Variants in KCNN2 observed in about 807,000 individuals in gnomAD.
KCNN2 encodes potassium calcium-activated channel subfamily N member 2, also known as small conductance calcium-activated potassium channel protein 2.
A neutral mutation model predicts 55.5 loss-of-function variants in KCNN2; 24 were observed. The observed-to-expected ratio is 0.43, with a 90% CI of 0.31 to 0.61. KCNN2 has a LOEUF of 0.61. Ranked by LOEUF, KCNN2 falls within the 20% of genes least tolerant of loss-of-function variation. The pLI is 0.08. For synonymous variants in KCNN2, 431 were observed against 336.1 expected, an observed-to-expected ratio of 1.28 and a Z score of -3.09; for missense variants, 754 against 853.6, an observed-to-expected ratio of 0.88 and a Z score of 1.45.
chr5:114,379,530 CAT>C lies in KCNN2; in HGVS notation c.1218+15532_1218+15533del, dbSNP rs1322922944. ...TATATTTATAGAATATATTATATAA[CAT>C]ATTATATATTATAGAATATATTATA... On this transcript the variant is annotated intron_variant, in intron 2 of 7. Coordinates refer to ENST00000673685, the MANE Select transcript of KCNN2 (RefSeq NM_021614.4). Among the ~76,000 whole-genome samples, 73 of 92,970 alleles carry C rather than the reference CAT, an allele frequency of 7.9e-4. 1 individual carries two copies. Among genetic ancestry groups the C allele is most frequent in the East Asian group, 2.0e-3 (9 of 4,474 alleles). 61.0% of individuals were successfully genotyped at this position (92,970 alleles called of 152,430 possible). A position where few individuals can be genotyped will look rare whatever the true frequency, so the allele number is the denominator to read the frequency against.
chr5:114,268,021 A>T (rs563353526), intron 2 of KCNN2, among the ~76,000 whole-genome samples: 3 of 152,218 alleles, frequency 2.0e-5, no homozygotes, highest in Non-Finnish European at 2.9e-5. Context: ...CTTAAATGCC[A>T]CTTCCTTCTG....
At chr5:114,156,128 A>G (rs1010312081) in intron 1 of KCNN2, among the ~76,000 whole-genome samples, 2 of 152,126 alleles carry the variant, frequency 1.3e-5, no homozygotes, top group African/African-American at 4.8e-5. Context: ...AGCACCATTT[A>G]TTGAATAGGG....
At position 114,108,138 on chromosome 5, in the gene KCNN2, G is replaced by C. The variant is rs114405622; in HGVS notation, c.-271+51638G>C. On this transcript the variant is annotated intron_variant, in intron 1 of 10. Coordinates refer to the KCNN2 transcript ENST00000512097. ...AGCCTCTCTAGGACAGTGTTGCATA[G>C]AACTGGTTTTGGTAGACCTTCTTAT... 7.7e-3 allele frequency among the ~76,000 whole-genome samples: 1,169 copies of C among 151,970 alleles called. 14 individuals are homozygous for C. Among genetic ancestry groups the C allele is most frequent in the African/African-American group, 0.027 (1,108 of 41,468 alleles).
chr5:114,466,160 A>T (rs1761437345), intron 4 of KCNN2, among the ~76,000 whole-genome samples: 1 of 152,210 alleles, frequency 6.6e-6, no homozygotes, highest in Non-Finnish European at 1.5e-5. Flanking sequence ...AAATAAAAGA[A>T]AACCACTCAC....
chr5:114,432,421 A>G (rs1465938077), intron 3 of KCNN2, among the ~76,000 whole-genome samples: 1 of 152,226 alleles, frequency 6.6e-6, no homozygotes, highest in Non-Finnish European at 1.5e-5. Context: ...TTACCATGGT[A>G]TATCATTCTC....
At chr5:114,402,243 T>A (rs1758808417) in intron 2 of KCNN2, among the ~76,000 whole-genome samples, 1 of 152,108 alleles carries the variant, frequency 6.6e-6, no homozygotes, top group Non-Finnish European at 1.5e-5. Context: ...GAGATAAAAA[T>A]TAAGATGGGA....
chr5:114,378,755 A>G (rs1758016103), intron 2 of KCNN2, among the ~76,000 whole-genome samples: 1 of 152,088 alleles, frequency 6.6e-6, no homozygotes, highest in African/African-American at 2.4e-5. Flanking sequence ...TAGGCATCTC[A>G]TTGTGGCTTA....
chr5:114,100,030 C>T (rs1360077273), intron 1 of KCNN2, among the ~76,000 whole-genome samples: 1 of 151,910 alleles, frequency 6.6e-6, no homozygotes, highest in African/African-American at 2.4e-5. Context: ...CTAATTTAAA[C>T]ATCTCTATAA....
chr5:114,476,711 G>A (rs781067070), intron 5 of KCNN2, among the ~76,000 whole-genome samples: 12 of 151,996 alleles, frequency 7.9e-5, no homozygotes, highest in South Asian at 2.1e-4. Context: ...GTGAGCCACC[G>A]CACCTGGCCG....
At chr5:114,422,162 T>A (rs561375159) in intron 3 of KCNN2, among the ~76,000 whole-genome samples, 1 of 152,296 alleles carries the variant, frequency 6.6e-6, no homozygotes, top group South Asian at 2.1e-4. Context: ...ACAGGAGATG[T>A]CTCAAATCAA....
intron 2 of KCNN2, among the ~76,000 whole-genome samples, chr5:114,397,132 A>T (rs1758643903): frequency 6.6e-6 from 1 of 152,140 alleles, no homozygotes; most frequent in South Asian, 2.1e-4. Context: ...AATGAAGGGC[A>T]TTTAGGTTGA....
At chr5:114,232,925 GTT>G (rs10658266) in intron 2 of KCNN2, among the ~76,000 whole-genome samples, 1 of 76,276 alleles carries the variant, frequency 1.3e-5, no homozygotes, top group South Asian at 6.8e-4. Context: ...ATTGTTTCTT[GTT>G]TTTTTTTTTT....
chr5:114,088,302 T>G (rs1017535580), intron 1 of KCNN2, among the ~76,000 whole-genome samples: 3 of 152,040 alleles, frequency 2.0e-5, no homozygotes, highest in East Asian at 1.9e-4. Flanking sequence ...TATTAAGTTT[T>G]TTTCATCATT....
intron 2 of KCNN2, among the ~76,000 whole-genome samples, chr5:114,311,913 A>C (rs1380810737): frequency 3.9e-5 from 6 of 152,182 alleles, no homozygotes; most frequent in Non-Finnish European, 7.4e-5. Context: ...AGGCCTAATA[A>C]AATGAGGAAT....
At chr5:114,332,135 A>G (rs967513878) in intron 2 of KCNN2, among the ~76,000 whole-genome samples, 1 of 152,234 alleles carries the variant, frequency 6.6e-6, no homozygotes, top group African/African-American at 2.4e-5. Context: ...TTTAATTTCA[A>G]ATGCCATGGA....
In KCNN2 at chr5:114,451,598, A is replaced by G. The variant is rs114772881; in HGVS notation, c.1638-11451A>G. Among the ~76,000 whole-genome samples the G allele has an allele frequency of 1.2e-3, 178 of 152,284 alleles. 1 individual carries two copies. The highest frequency in any genetic ancestry group is 3.6e-3 in the African/African-American group (149 of 41,580). The stretch of plus-strand genomic sequence containing the variant: ...TTTTAGAGTCAATAAAGAATTATAT[A>G]ATTTATAAAAATTCAAGGCTGGAGG... On this transcript the variant is annotated intron_variant, in intron 3 of 7. Coordinates refer to ENST00000673685, the MANE Select transcript of KCNN2 (RefSeq NM_021614.4).
chr5:114,243,452 A>T (rs981108224), intron 2 of KCNN2, among the ~76,000 whole-genome samples: 1 of 149,362 alleles, frequency 6.7e-6, no homozygotes, highest in Non-Finnish European at 1.5e-5. Flanking sequence ...GTCTGGCCCC[A>T]TCTTGCCCCG....
rs1757500887 is a variant in KCNN2 at position 114,363,276 on chromosome 5, C to T, written c.1122+15C>T. Reference sequence around the variant, plus strand: ...CCTACGACAAGGTACAGGCTTGAACCCCAGCCCACGCTACCGGAGTCGGGC... The same window carrying T: ...CCTACGACAAGGTACAGGCTTGAACTCCAGCCCACGCTACCGGAGTCGGGC... On this transcript the variant is annotated intron_variant, in intron 1 of 7. Transcript: ENST00000673685. 6.3e-7 allele frequency: 1 copy of T among 1,577,538 alleles called. No homozygotes were observed. The highest frequency in any genetic ancestry group is 8.6e-7 in the Non-Finnish European group (1 of 1,162,178).
intron 3 of KCNN2, among the ~76,000 whole-genome samples, chr5:114,414,412 CT>C (rs1759233354): frequency 6.6e-6 from 1 of 152,136 alleles, no homozygotes; most frequent in Non-Finnish European, 1.5e-5. Flanking sequence ...AAGGGAGCCT[CT>C]TGGCTTGAGT....
Sources: allele counts gnomAD v4.1 joint callset (sites outside exome capture counted in the v4.1 genomes callset), GRCh38; gene constraint gnomAD v4.1.1; transcripts MANE v1.5; gene names NCBI Gene and HGNC (gene_info 2026-07-23, HGNC 2026-07-21).